Variants in CDH23 observed in about 807,000 individuals in gnomAD.
The protein encoded by CDH23 is cadherin-23.
Under a neutral mutation model 317.1 loss-of-function variants are expected in CDH23, and 189 were observed. That is an observed-to-expected ratio of 0.60 (90% CI 0.53 to 0.67). The LOEUF (loss-of-function observed/expected upper bound fraction) is 0.67. CDH23 is among the 30% of genes least tolerant of loss of function. CDH23 has a pLI of 0.00. For missense variants in CDH23, 4,401 were observed against 4,592.4 expected, an observed-to-expected ratio of 0.96 and a Z score of 1.20; for synonymous variants, 1,839 against 1,876.8, an observed-to-expected ratio of 0.98 and a Z score of 0.52.
At chr10:71,521,814 C>A (rs1171343860) in intron 6 of CDH23, among the ~76,000 whole-genome samples, 1 of 152,246 alleles carries the variant, frequency 6.6e-6, no homozygotes, top group African/African-American at 2.4e-5. Flanking sequence ...TTATACCCAC[C>A]CATCCGAGCT....
chr10:71,600,590 C>T (rs1213698395), intron 9 of CDH23, among the ~76,000 whole-genome samples: 4 of 148,146 alleles, frequency 2.7e-5, no homozygotes, highest in Non-Finnish European at 4.5e-5. Context: ...TATCTCAGCT[C>T]ACTGCAACCT....
intron 38 of CDH23, among the ~76,000 whole-genome samples, chr10:71,744,870 T>A (rs1255003464): frequency 6.6e-6 from 1 of 152,208 alleles, no homozygotes; most frequent in Admixed American, 6.5e-5. Flanking sequence ...CAGCAACAGG[T>A]ACCAACTTGA....
At chr10:71,806,316 A>G in intron 57 of CDH23, 35 bp downstream of exon 57, 1 of 1,415,748 alleles carries the variant, frequency 7.1e-7, no homozygotes, top group African/African-American at 1.4e-5. Flanking sequence ...GGTCACACCC[A>G]CACAGGGACT....
intron 9 of CDH23, among the ~76,000 whole-genome samples, chr10:71,588,432 C>T (rs897125976): frequency 8.6e-5 from 13 of 151,996 alleles, no homozygotes; most frequent in African/African-American, 2.7e-4. Context: ...TTATTTTAAG[C>T]GTCAGATGAG....
chr10:71,448,445 G>T (rs1009782367), intron 3 of CDH23, among the ~76,000 whole-genome samples: 2 of 152,180 alleles, frequency 1.3e-5, no homozygotes, highest in African/African-American at 2.4e-5. Context: ...TGACTCCAGG[G>T]TGCCATAGGA....
intron 11 of CDH23, among the ~76,000 whole-genome samples, chr10:71,633,630 G>A (rs1035215152): frequency 6.6e-6 from 1 of 152,156 alleles, no homozygotes; most frequent in Non-Finnish European, 1.5e-5. Context: ...CCAAGACCGG[G>A]CAGCTCCCTT....
chr10:71,774,047 G>GCACA (rs1228857879), intron 38 of CDH23, among the ~76,000 whole-genome samples: 5 of 116,688 alleles, frequency 4.3e-5, no homozygotes, highest in African/African-American at 1.6e-4. Flanking sequence ...GTGCATGCGC[G>GCACA]CGCGCACACA....
chr10:71,641,904 C>G (rs941712409), intron 11 of CDH23, among the ~76,000 whole-genome samples: 2 of 152,058 alleles, frequency 1.3e-5, no homozygotes, highest in African/African-American at 4.8e-5. Flanking sequence ...CAGGCGAAAA[C>G]CCGTCTCTAC....
chr10:71,707,368 A>C, intron 26 of CDH23: 4 of 1,361,008 alleles, frequency 2.9e-6, no homozygotes, highest in South Asian at 3.8e-5. Context: ...CCTGAGCCCC[A>C]CTCCCCGCCC....
chr10:71,578,501 G>A (rs1007029614), intron 9 of CDH23, among the ~76,000 whole-genome samples: 31 of 152,274 alleles, frequency 2.0e-4, no homozygotes, highest in Admixed American at 2.6e-4. Context: ...GTTGCGGGGG[G>A]GAACATCAGC....
intron 30 of CDH23, among the ~76,000 whole-genome samples, chr10:71,730,135 C>A (rs990557014): frequency 6.6e-6 from 1 of 152,160 alleles, no homozygotes; most frequent in Admixed American, 6.5e-5. Flanking sequence ...CCGCGCCCGG[C>A]CGAATTATTA....
Position 71,739,748 on chromosome 10 carries a change from A to G in CDH23, c.4464A>G (p.Glu1488=), listed in dbSNP as rs1839684087. 4 of 1,612,560 alleles carry G rather than the reference A, an allele frequency of 2.5e-6. No homozygotes were observed. The highest frequency in any genetic ancestry group is 2.5e-6 in the Non-Finnish European group (3 of 1,179,464). Residue 1488 remains glutamate, a synonymous_variant, in exon 36 of 70, where the codon GAA becomes GAG. Coordinates refer to ENST00000224721, the MANE Select transcript of CDH23 (RefSeq NM_022124.6). The part of the protein sequence containing the change: ...EVFVARPLDR[E]ELDHYILQVV... ...TTGTGGCCAGGCCCCTGGACAGAGA[A>G]GAGCTGGATCACTACATCCTCCAGG...
chr10:71,524,004 A>G (rs907984635), intron 6 of CDH23, among the ~76,000 whole-genome samples: 2 of 152,136 alleles, frequency 1.3e-5, no homozygotes, highest in Admixed American at 6.5e-5. Context: ...CCCGTTTTTC[A>G]TGAACTCCCA....
intron 3 of CDH23, among the ~76,000 whole-genome samples, chr10:71,448,803 A>G (rs1299715539): frequency 2.0e-5 from 3 of 152,138 alleles, no homozygotes. Flanking sequence ...GCTGGCACCC[A>G]CTTGTCCCTG....
At chr10:71,615,449 T>A in intron 9 of CDH23, 55 bp from the exon 10 acceptor site, 1 of 905,406 alleles carries the variant, frequency 1.1e-6, no homozygotes, top group Admixed American at 1.9e-5. Context: ...TGCCCCCAGC[T>A]CCATGCCCCC....
Position 71,779,254 on chromosome 10 carries a change from T to C in CDH23, c.5188-13T>C. 1 of 1,613,900 alleles carries C rather than the reference T, an allele frequency of 6.2e-7. No individual in the cohort carries two copies. Among genetic ancestry groups the C allele is most frequent in the Non-Finnish European group, 8.5e-7 (1 of 1,179,836 alleles). ...TGGGGTGAGGCCTTGGCTAAGCTTT[T>C]CCACCATCTCAGGTGCTTGTGAATG... On this transcript the variant is annotated splice_polypyrimidine_tract_variant and intron_variant, in intron 40 of 69. Transcript: ENST00000224721.
intron 6 of CDH23, among the ~76,000 whole-genome samples, chr10:71,523,071 G>A (rs750473531): frequency 2.0e-5 from 3 of 152,120 alleles, no homozygotes; most frequent in Admixed American, 6.5e-5. Context: ...TTTACTGCCC[G>A]GCTGCTGCCT....
chr10:71,716,488 G>T (rs1201284060), intron 28 of CDH23: 7 of 632,374 alleles, frequency 1.1e-5, no homozygotes, highest in African/African-American at 1.9e-5. Flanking sequence ...GGTTAAGACA[G>T]CAAGGTCCAG....
rs775856574 is a variant in CDH23 at position 71,751,884 on chromosome 10, G to A, written c.4845+9963G>A. The A allele has an allele frequency of 7.2e-6, 11 of 1,536,748 alleles. No homozygotes were observed. Among genetic ancestry groups the A allele is most frequent in the Non-Finnish European group, 9.7e-6 (11 of 1,139,502 alleles). ...TTGCTGCCACAGAACCAGAATGGAA[G>A]GTCATCTGTGCTGTCCGGAGCGTGA... On this transcript the variant is annotated intron_variant, in intron 38 of 69. Coordinates refer to ENST00000224721, the MANE Select transcript of CDH23 (RefSeq NM_022124.6). This position sits in a 1 kb window ranked among gnomAD's most constrained non-coding sequence, Gnocchi z 4.9.
Sources: gnomAD v4.1 joint callset for allele counts (sites outside exome capture counted in the v4.1 genomes callset) on GRCh38, gnomAD v4.1.1 for gene constraint, Gnocchi (gnomAD v3.1) non-coding constraint, MANE v1.5 for transcripts, NCBI Gene and HGNC (gene_info 2026-07-23, HGNC 2026-07-21) for gene names.